The following UBTD1 variants were observed in gnomAD, a reference collection of about 807,000 sequenced individuals.
UBTD1 encodes ubiquitin domain-containing protein 1.
UBTD1 carries 19 observed loss-of-function variants against 21.7 expected under a neutral mutation model. The observed-to-expected ratio is 0.87, with a 90% confidence interval of 0.61 to 1.28. The LOEUF is 1.28. Ranked by LOEUF, UBTD1 falls within the 50% of genes most tolerant of loss-of-function variation. The probability of loss-of-function intolerance (pLI) is 0.00; values close to 1 mark genes in which losing one functional copy is unlikely to be tolerated. For missense variants in UBTD1, 282 were observed against 315.1 expected, an observed-to-expected ratio of 0.89 and a Z score of 0.80; for synonymous variants, 116 against 135.1, an observed-to-expected ratio of 0.86 and a Z score of 0.98.
At chr10:97,534,325 GC>G (rs1039025889) in intron 1 of UBTD1, among the ~76,000 whole-genome samples, 6 of 152,352 alleles carry the variant, frequency 3.9e-5, no homozygotes, top group Admixed American at 2.6e-4. Flanking sequence ...GGAGGGCCCA[GC>G]CCTGCCCTTA....
chr10:97,508,818 G>A (rs956356436), intron 1 of UBTD1, among the ~76,000 whole-genome samples: 6 of 152,104 alleles, frequency 3.9e-5, no homozygotes, highest in Non-Finnish European at 7.3e-5. Context: ...TTGAGGGCTC[G>A]GTGTGCTAGA....
At chr10:97,556,599 A>G (rs998359337) in intron 1 of UBTD1, among the ~76,000 whole-genome samples, 14 of 152,214 alleles carry the variant, frequency 9.2e-5, no homozygotes, top group Admixed American at 8.5e-4. Context: ...GGGGCCATTT[A>G]TCATCTTTCC....
intron 1 of UBTD1, among the ~76,000 whole-genome samples, chr10:97,534,860 A>G (rs1391099030): frequency 6.6e-6 from 1 of 152,202 alleles, no homozygotes; most frequent in Non-Finnish European, 1.5e-5. Context: ...CTCTGCCCAG[A>G]GTAGAAATGA....
At chr10:97,507,813 G>T (rs893187773) in intron 1 of UBTD1, among the ~76,000 whole-genome samples, 2 of 150,698 alleles carry the variant, frequency 1.3e-5, no homozygotes, top group East Asian at 1.9e-4. Context: ...GAGGAACCTG[G>T]CAGGAAAGGG....
chr10:97,527,194 AGCCTGCCTTGGC>A (rs2040493295), intron 1 of UBTD1, among the ~76,000 whole-genome samples: 1 of 148,792 alleles, frequency 6.7e-6, no homozygotes, highest in Non-Finnish European at 1.5e-5. Flanking sequence ...AAAAAAAAAA[AGCCTGCCTTGGC>A]AGGCTGCGGT....
At chr10:97,543,195 G>A (rs374835189) in intron 1 of UBTD1, among the ~76,000 whole-genome samples, 3 of 152,214 alleles carry the variant, frequency 2.0e-5, no homozygotes, top group Non-Finnish European at 2.9e-5. Context: ...TGGGGAGAGC[G>A]GGGAGCGCCT....
intron 1 of UBTD1, among the ~76,000 whole-genome samples, chr10:97,556,798 G>A (rs533026816): frequency 3.3e-5 from 5 of 152,266 alleles, no homozygotes; most frequent in East Asian, 1.9e-4. Context: ...GGCGGGGGCC[G>A]TCCAGTCCCA....
At chr10:97,565,920 C>T (rs1035054969) in intron 1 of UBTD1, among the ~76,000 whole-genome samples, 1 of 151,996 alleles carries the variant, frequency 6.6e-6, no homozygotes, top group African/African-American at 2.4e-5. Context: ...TGCCATATTG[C>T]CCAGGCTGAT....
intron 1 of UBTD1, among the ~76,000 whole-genome samples, chr10:97,558,258 C>T (rs891100278): frequency 1.5e-4 from 23 of 152,006 alleles, no homozygotes; most frequent in African/African-American, 5.1e-4. Flanking sequence ...AGTAAGGTGG[C>T]GGGGTTAGGG....
chr10:97,567,167 C>T (rs1220516871), intron 1 of UBTD1, among the ~76,000 whole-genome samples: 1 of 151,738 alleles, frequency 6.6e-6, no homozygotes, highest in Non-Finnish European at 1.5e-5. Flanking sequence ...ACCTCCCAGG[C>T]TCAAGTGATT....
At chr10:97,521,829 G>A (rs868120365) in intron 1 of UBTD1, among the ~76,000 whole-genome samples, 3 of 152,238 alleles carry the variant, frequency 2.0e-5, no homozygotes, top group African/African-American at 7.2e-5. Flanking sequence ...ACTAGAATGG[G>A]CTTCAGGGAT....
intron 1 of UBTD1, among the ~76,000 whole-genome samples, chr10:97,563,971 C>G (rs1253158979): frequency 6.6e-6 from 1 of 152,144 alleles, no homozygotes; most frequent in African/African-American, 2.4e-5. Flanking sequence ...GAGGAGAGAT[C>G]AGGCTGGCTG....
At chr10:97,560,074 A>C (rs888067696) in intron 1 of UBTD1, among the ~76,000 whole-genome samples, 31 of 152,018 alleles carry the variant, frequency 2.0e-4, no homozygotes, top group Admixed American at 8.5e-4. Flanking sequence ...TTTTTCTTTC[A>C]TGACTTTCAC....
At chr10:97,500,354 A>G (rs1217442149) in intron 1 of UBTD1, among the ~76,000 whole-genome samples, 8 of 152,158 alleles carry the variant, frequency 5.3e-5, no homozygotes. Context: ...GGAAACTGGG[A>G]AGGAAGATGG....
intron 1 of UBTD1, among the ~76,000 whole-genome samples, chr10:97,536,139 C>T (rs977017690): frequency 6.6e-6 from 1 of 151,828 alleles, no homozygotes; most frequent in Non-Finnish European, 1.5e-5. Context: ...ATTACAGGCT[C>T]CCGCCACCAA....
chr10:97,547,856 G>A (rs566157601), intron 1 of UBTD1, among the ~76,000 whole-genome samples: 25 of 151,566 alleles, frequency 1.6e-4, no homozygotes, highest in African/African-American at 5.8e-4. Flanking sequence ...GAGCCATCAC[G>A]CCCAGCCTCG....
intron 1 of UBTD1, among the ~76,000 whole-genome samples, chr10:97,558,406 T>C (rs2040675308): frequency 6.6e-6 from 1 of 152,198 alleles, no homozygotes; most frequent in Non-Finnish European, 1.5e-5. Flanking sequence ...TAGGTTTTGC[T>C]TAAGAGTTAG....
intron 1 of UBTD1, among the ~76,000 whole-genome samples, chr10:97,523,780 G>A (rs546947052): frequency 2.6e-5 from 4 of 152,092 alleles, no homozygotes; most frequent in African/African-American, 7.2e-5. Flanking sequence ...TTGAGGTGGT[G>A]CAGGGTGTAG....
At chr10:97,561,118 G>A (rs2040690447) in intron 1 of UBTD1, among the ~76,000 whole-genome samples, 2 of 152,158 alleles carry the variant, frequency 1.3e-5, no homozygotes, top group Non-Finnish European at 2.9e-5. Context: ...CAGCCACTGT[G>A]TTAATCCTCC....
Sources: allele counts gnomAD v4.1 joint callset (sites outside exome capture counted in the v4.1 genomes callset), GRCh38; gene constraint gnomAD v4.1.1; transcripts MANE v1.5; gene names NCBI Gene and HGNC (gene_info 2026-07-23, HGNC 2026-07-21).